Variants in RALGAPA2 observed in about 807,000 individuals in gnomAD.
RALGAPA2 encodes Ral GTPase activating protein catalytic subunit alpha 2.
RALGAPA2 carries 139 observed loss-of-function variants against 230.4 expected under a neutral mutation model. The observed-to-expected ratio is 0.60, with a 90% confidence interval of 0.53 to 0.69. RALGAPA2 has a LOEUF of 0.69. Among genes scored for constraint, RALGAPA2 ranks in the 30% least tolerant of loss-of-function variants. The pLI is 0.00. For synonymous variants in RALGAPA2, 847 were observed against 837.8 expected, an observed-to-expected ratio of 1.01 and a Z score of -0.19; for missense variants, 2,163 against 2,276.0, an observed-to-expected ratio of 0.95 and a Z score of 1.01.
intron 36 of RALGAPA2, among the ~76,000 whole-genome samples, chr20:20,494,068 CAATAAT>C (rs199972869): frequency 1.3e-5 from 2 of 152,000 alleles, no homozygotes; most frequent in Admixed American, 6.6e-5. Context: ...ACAACAGCAA[CAATAAT>C]AATAATAATA....
intron 3 of RALGAPA2, among the ~76,000 whole-genome samples, chr20:20,675,978 G>A (rs143293756): frequency 1.3e-5 from 2 of 152,102 alleles, no homozygotes; most frequent in East Asian, 3.9e-4. Context: ...TAAGATGTGT[G>A]TACTCCTCCA....
At chr20:20,611,609 T>C (rs1318730962) in intron 13 of RALGAPA2, among the ~76,000 whole-genome samples, 183 bp from the exon 14 acceptor site, 4 of 151,628 alleles carry the variant, frequency 2.6e-5, no homozygotes, top group South Asian at 2.1e-4. Context: ...AGCTCCCTTA[T>C]GTTATAACAG....
At chr20:20,539,797 A>G (rs1374238908) in intron 24 of RALGAPA2, among the ~76,000 whole-genome samples, 1 of 152,180 alleles carries the variant, frequency 6.6e-6, no homozygotes, top group Non-Finnish European at 1.5e-5. Flanking sequence ...CCTGGGAACC[A>G]CCATTCTACA....
Position 20,526,348 on chromosome 20 carries a change from G to A in RALGAPA2, c.3597C>T (p.Ile1199=), listed in dbSNP as rs763346438. The change falls in exon 28 of 40, where the codon ATC becomes ATT. Residue 1199 remains isoleucine, a synonymous_variant. Coordinates refer to ENST00000202677, the MANE Select transcript of RALGAPA2 (RefSeq NM_020343.4). ...GGACATCGCAAGCTACCTGGGCCACGATTTTGTTGGGAAACTATAAAAGGA... is the reference window on the plus strand; with the variant it reads ...GGACATCGCAAGCTACCTGGGCCACAATTTTGTTGGGAAACTATAAAAGGA... ...IGVTLKFPNK[I]VAQVACDVLQ... 68 of 1,594,556 alleles carry A rather than the reference G, an allele frequency of 4.3e-5. No individual in the cohort carries two copies. The highest frequency in any genetic ancestry group is 5.5e-5 in the Non-Finnish European group (64 of 1,172,962).
chr20:20,612,836 C>T (rs977804099), intron 13 of RALGAPA2, among the ~76,000 whole-genome samples: 1 of 152,166 alleles, frequency 6.6e-6, no homozygotes, highest in African/African-American at 2.4e-5. Context: ...AGAAGGGCAG[C>T]ACCTAGTATC....
Position 20,392,944 on chromosome 20 carries a change from C to T in RALGAPA2, c.*345G>A. ...TGCCCAGAGCAGCCACACCAGTGCC[C>T]ACGTGTCAGTGGGTTCATCTCTGGT... On this transcript the variant is annotated 3_prime_UTR_variant, in exon 40 of 40. Transcript: ENST00000202677. 1 of 639,620 alleles carries T rather than the reference C, an allele frequency of 1.6e-6. No homozygotes were observed. The highest frequency in any genetic ancestry group is 2.3e-6 in the Non-Finnish European group (1 of 431,416). 39.6% of individuals were successfully genotyped at this position (639,620 alleles called of 1,614,324 possible).
intron 32 of RALGAPA2, among the ~76,000 whole-genome samples, chr20:20,511,954 G>A (rs2062716161): frequency 6.6e-6 from 1 of 152,102 alleles, no homozygotes; most frequent in Non-Finnish European, 1.5e-5. Flanking sequence ...ACTTTGGGAG[G>A]CCAAGGAGGG....
intron 4 of RALGAPA2, among the ~76,000 whole-genome samples, chr20:20,643,855 A>C (rs1395067544): frequency 6.6e-6 from 1 of 151,742 alleles, no homozygotes; most frequent in Non-Finnish European, 1.5e-5. Context: ...TTTTTTTTTT[A>C]ATCTCTAAAG....
chr20:20,499,806 A>G (rs1399052271), intron 35 of RALGAPA2, among the ~76,000 whole-genome samples: 2 of 152,250 alleles, frequency 1.3e-5, no homozygotes, highest in African/African-American at 4.8e-5. Flanking sequence ...TAATTGGGCC[A>G]TGACTTGAGT....
At chr20:20,600,372 G>C (rs1166696379) in intron 16 of RALGAPA2, among the ~76,000 whole-genome samples, 1 of 152,180 alleles carries the variant, frequency 6.6e-6, no homozygotes, top group Admixed American at 6.5e-5. Context: ...GGAAATCAGT[G>C]AATGAGCATC....
chr20:20,614,101 G>A (rs1340523440), intron 13 of RALGAPA2, among the ~76,000 whole-genome samples: 1 of 152,158 alleles, frequency 6.6e-6, no homozygotes, highest in East Asian at 1.9e-4. Flanking sequence ...AAGAAGGAGT[G>A]AAGAAGGAAA....
chr20:20,640,637 T>G, intron 6 of RALGAPA2, 64 bp downstream of exon 6: 1 of 1,452,530 alleles, frequency 6.9e-7, no homozygotes, highest in South Asian at 1.3e-5. Flanking sequence ...AATGAAAAAG[T>G]AAGAATTCCT....
Position 20,412,059 on chromosome 20 carries a change from G to GA in RALGAPA2, c.5584dup (p.Ser1862PhefsTer32). The GA allele has an allele frequency of 6.2e-7, 1 of 1,614,026 alleles. No individual in the cohort carries two copies. Among genetic ancestry groups the GA allele is most frequent in the East Asian group, 2.2e-5 (1 of 44,886 alleles). Reference sequence around the variant, plus strand: ...GCTGAGGGAGTAGCTGGGAGAGGGAGAAAAGACTTGGGCTGCGAAATCCTC... The same window carrying GA: ...GCTGAGGGAGTAGCTGGGAGAGGGAGAAAAAGACTTGGGCTGCGAAATCCTC... On this transcript the variant is annotated frameshift_variant, in exon 38 of 40. Coordinates refer to ENST00000202677, the MANE Select transcript of RALGAPA2 (RefSeq NM_020343.4). LOFTEE classifies it high-confidence loss of function.
chr20:20,404,156 A>G lies in RALGAPA2; in HGVS notation c.5618-7422T>C, dbSNP rs138377050. Among the ~76,000 whole-genome samples, 575 of 152,264 alleles carry G rather than the reference A, an allele frequency of 3.8e-3. 4 individuals are homozygous for G. Among genetic ancestry groups the G allele is most frequent in the African/African-American group, 0.013 (551 of 41,540 alleles). On this transcript the variant is annotated intron_variant, in intron 38 of 39. Transcript: ENST00000202677. ...TCTCGGCATTGTCTACTGTGATGCT[A>G]CTAGGTTTCTTGTGTACTGAGAAGT...
intron 14 of RALGAPA2, among the ~76,000 whole-genome samples, chr20:20,605,996 T>TCCC (rs2065808680): frequency 6.6e-6 from 1 of 151,622 alleles, no homozygotes. Flanking sequence ...TTCCTCGGAG[T>TCCC]CTTCATGCCT....
chr20:20,542,197 T>C (rs1441671997), intron 24 of RALGAPA2, among the ~76,000 whole-genome samples: 1 of 152,092 alleles, frequency 6.6e-6, no homozygotes, highest in Non-Finnish European at 1.5e-5. Flanking sequence ...GGATACAACT[T>C]ACAAGGGATG....
chr20:20,425,506 G>A (rs1294408049), intron 37 of RALGAPA2, among the ~76,000 whole-genome samples: 1 of 152,088 alleles, frequency 6.6e-6, no homozygotes, highest in Non-Finnish European at 1.5e-5. Context: ...TAGCTTAAAG[G>A]CATCTCAGTT....
chr20:20,425,467 A>T (rs2060362708), intron 37 of RALGAPA2, among the ~76,000 whole-genome samples: 1 of 152,210 alleles, frequency 6.6e-6, no homozygotes, highest in African/African-American at 2.4e-5. Flanking sequence ...AGAAAATAGT[A>T]TTTCTATGCT....
At chr20:20,709,736 C>A (rs2069771812) in intron 1 of RALGAPA2, among the ~76,000 whole-genome samples, 1 of 152,184 alleles carries the variant, frequency 6.6e-6, no homozygotes. Flanking sequence ...GTGAAAGTAT[C>A]TACATCCAAA....
Sources: gnomAD v4.1 joint callset for allele counts (sites outside exome capture counted in the v4.1 genomes callset) on GRCh38, gnomAD v4.1.1 for gene constraint, MANE v1.5 for transcripts, NCBI Gene and HGNC (gene_info 2026-07-23, HGNC 2026-07-21) for gene names.